Variants in LGR6 observed in about 807,000 individuals in gnomAD.
LGR6 encodes the protein leucine-rich repeat-containing G protein-coupled receptor 6.
Under a neutral mutation model 69.4 loss-of-function variants are expected in LGR6, and 45 were observed. The ratio of observed to expected loss-of-function variants is 0.65; its 90% CI spans 0.51 to 0.83. LGR6 has a LOEUF of 0.83. Among genes scored for constraint, LGR6 ranks in the 40% least tolerant of loss-of-function variants. LGR6 has a pLI of 0.00. For missense variants in LGR6, 1,108 were observed against 1,246.7 expected (o/e 0.89, Z 1.68); for synonymous variants, 538 against 555.0 (o/e 0.97, Z 0.43).
At chr1:202,238,411 C>G (rs914626984) in intron 4 of LGR6, among the ~76,000 whole-genome samples, 3 of 106,858 alleles carry the variant, frequency 2.8e-5, no homozygotes, top group Admixed American at 1.2e-4. Flanking sequence ...CCAGCCTGAT[C>G]CTTTTTTTTT....
intron 1 of LGR6, chr1:202,214,223 G>A: frequency 6.5e-7 from 1 of 1,542,078 alleles, no homozygotes; most frequent in Admixed American, 2.1e-5. Context: ...GGAGTGCACG[G>A]CGCGGTGCGC....
rs540367687 is a variant in LGR6, at chr1:202,291,900, C to T, written c.717-5608C>T. On this transcript the variant is annotated intron_variant, in intron 6 of 17. Transcript: ENST00000367278. ...ATTGTAATGCTATGCATGCAGAGGACGAAAATCCCAGAAAAGTTCCAAGAG... is the reference window on the plus strand; with the variant it reads ...ATTGTAATGCTATGCATGCAGAGGATGAAAATCCCAGAAAAGTTCCAAGAG... 8.5e-5 allele frequency among the ~76,000 whole-genome samples: 13 copies of T among 152,254 alleles called. 1 individual carries two copies. The highest frequency in any genetic ancestry group is 3.9e-4 in the East Asian group (2 of 5,192).
At chr1:202,245,554 T>C (rs1259754096) in intron 4 of LGR6, among the ~76,000 whole-genome samples, 1 of 152,182 alleles carries the variant, frequency 6.6e-6, no homozygotes, top group African/African-American at 2.4e-5. Context: ...GCTATGGTGC[T>C]AGGGCTTTCT....
intron 6 of LGR6, among the ~76,000 whole-genome samples, chr1:202,289,451 A>G (rs567016871): frequency 1.2e-4 from 18 of 152,152 alleles, no homozygotes; most frequent in Non-Finnish European, 4.4e-5. Context: ...GCAACAAGTA[A>G]TCTCAATCTC....
At chr1:202,198,672 T>G (rs1205954927) in intron 1 of LGR6, among the ~76,000 whole-genome samples, 7 of 101,380 alleles carry the variant, frequency 6.9e-5, no homozygotes, top group Non-Finnish European at 1.8e-4. Flanking sequence ...TTTTAGGTTT[T>G]TTTTTTTTTT....
At chr1:202,302,248 T>G (rs1425910895) in intron 9 of LGR6, among the ~76,000 whole-genome samples, 1 of 152,232 alleles carries the variant, frequency 6.6e-6, no homozygotes, top group East Asian at 1.9e-4. Context: ...ACTTTCACGT[T>G]CATTACGGCA....
intron 4 of LGR6, among the ~76,000 whole-genome samples, chr1:202,247,221 A>G (rs528569574): frequency 1.3e-5 from 2 of 152,254 alleles, no homozygotes; most frequent in Admixed American, 6.5e-5. Context: ...CGCCACTCAA[A>G]GTGAGCTTCA....
At chr1:202,276,012 G>T (rs1236812189) in intron 4 of LGR6, among the ~76,000 whole-genome samples, 1 of 152,122 alleles carries the variant, frequency 6.6e-6, no homozygotes, top group Non-Finnish European at 1.5e-5. Flanking sequence ...AAGAACTGTG[G>T]GTTGGTGGGA....
chr1:202,310,027 C>T (rs1304799575), intron 15 of LGR6, among the ~76,000 whole-genome samples, 170 bp from the exon 16 acceptor site: 2 of 152,160 alleles, frequency 1.3e-5, no homozygotes, highest in Non-Finnish European at 2.9e-5. Flanking sequence ...GGCTGCAAGG[C>T]CCTTACAAAG....
chr1:202,254,016 G>T lies in LGR6; in HGVS notation c.428+18023G>T, dbSNP rs1351359112. ...GAGACGGGGTTTCACCGTTTTAGCC[G>T]GGATGGTCTCGATCTCCTGACCTCG... On this transcript the variant is annotated intron_variant, in intron 4 of 17. Coordinates refer to ENST00000367278, the MANE Select transcript of LGR6 (RefSeq NM_001017403.2). Among the ~76,000 whole-genome samples the T allele has an allele frequency of 2.7e-5, 4 of 147,924 alleles. No homozygotes were observed. The East Asian group carries it at 6.0e-4, about 22-fold the overall frequency.
rs766607416 is a variant in LGR6, at chr1:202,287,090, G to A, written c.716+6238G>A. On this transcript the variant is annotated intron_variant, in intron 6 of 17. Transcript: ENST00000367278. ...CAGGTTCCGTAGTAGATGTAATGGA[G>A]AGGAAACAAAGTTCAGGTCTGGCCC... Among the ~76,000 whole-genome samples, 96 of 152,212 alleles carry A rather than the reference G, an allele frequency of 6.3e-4. 1 individual carries two copies. Among genetic ancestry groups the A allele is most frequent in the Admixed American group, 1.8e-3 (28 of 15,276 alleles).
chr1:202,238,158 C>T (rs920705613), intron 4 of LGR6, among the ~76,000 whole-genome samples: 1 of 149,076 alleles, frequency 6.7e-6, no homozygotes, highest in Non-Finnish European at 1.5e-5. Context: ...GTGCAGTGAC[C>T]TGATCGCAAC....
At position 202,228,785 on chromosome 1, in the gene LGR6, G is replaced by C. The variant is rs561120138; in HGVS notation, c.356+778G>C. Reference sequence around the variant, plus strand: ...GAAGGTAGATAGGAGAGGTTCCCAGGGAGGTCGCGTTGCCACAGGGTCTGG... The same window carrying C: ...GAAGGTAGATAGGAGAGGTTCCCAGCGAGGTCGCGTTGCCACAGGGTCTGG... On this transcript the variant is annotated intron_variant, in intron 3 of 17. Transcript: ENST00000367278. 4.6e-5 allele frequency among the ~76,000 whole-genome samples: 7 copies of C among 152,282 alleles called. No homozygotes were observed. The South Asian group carries it at 1.5e-3, about 32-fold the overall frequency.
chr1:202,195,081 C>A (rs1869108), intron 1 of LGR6, among the ~76,000 whole-genome samples: 1 of 152,182 alleles, frequency 6.6e-6, no homozygotes, highest in African/African-American at 2.4e-5. Flanking sequence ...CCCACCTGCA[C>A]CCCCAGCCCC....
chr1:202,303,474 C>G lies in LGR6; in HGVS notation c.998+127C>G, dbSNP rs2148271542. On this transcript the variant is annotated intron_variant, in intron 10 of 17. Transcript: ENST00000367278. ...CCTTTTATCCAGCCTGTCTCTACTA[C>G]TGGCTCCATCCCCTTCCTCCTGATG... 4.2e-6 allele frequency: 3 copies of G among 721,938 alleles called. No individual in the cohort carries two copies. The Admixed American group carries it at 6.3e-5, about 15-fold the overall frequency. The allele number at this position is 721,938 out of a possible 1,614,324, so 44.7% of individuals were successfully genotyped here.
In LGR6 at chr1:202,304,593, T is replaced by C; in HGVS notation, c.1033T>C (p.Ser345Pro). Reference sequence around the variant, plus strand: ...CCGCGCAGGCATCCGGCTGCTCCCATCGGGGATGTGCCAACAGCTGCCCAG... The same window carrying C: ...CCGCGCAGGCATCCGGCTGCTCCCACCGGGGATGTGCCAACAGCTGCCCAG... Reference protein sequence around the residue: ...LTRAGIRLLPSGMCQQLPRLR... With the variant: ...LTRAGIRLLPPGMCQQLPRLR... Residue 345 changes from serine to proline, a missense_variant, in exon 11 of 18, where the codon TCG (serine) becomes CCG (proline). Ser to Pro is a moderately conservative substitution (Grantham distance 74). Coordinates refer to ENST00000367278, the MANE Select transcript of LGR6 (RefSeq NM_001017403.2). The C allele has an allele frequency of 6.2e-7, 1 of 1,611,130 alleles. No homozygotes were observed. The highest frequency in any genetic ancestry group is 8.5e-7 in the Non-Finnish European group (1 of 1,177,806).
At chr1:202,295,194 G>A (rs1212480905) in intron 6 of LGR6, among the ~76,000 whole-genome samples, 2 of 151,922 alleles carry the variant, frequency 1.3e-5, no homozygotes, top group Non-Finnish European at 2.9e-5. Context: ...CCACTGTGGT[G>A]GCACACGCCT....
At chr1:202,208,403 G>C (rs1032376886) in intron 1 of LGR6, among the ~76,000 whole-genome samples, 1 of 135,362 alleles carries the variant, frequency 7.4e-6, no homozygotes, top group Non-Finnish European at 1.6e-5. Flanking sequence ...AGGAGAAGGA[G>C]GGGGGAGAGA....
At chr1:202,198,981 C>T (rs764857002) in intron 1 of LGR6, among the ~76,000 whole-genome samples, 50 of 152,192 alleles carry the variant, frequency 3.3e-4, no homozygotes, top group South Asian at 1.7e-3. Flanking sequence ...CTCCTCCTTC[C>T]GGAAACTTGG....
Sources: allele counts gnomAD v4.1 joint callset (sites outside exome capture counted in the v4.1 genomes callset), GRCh38; gene constraint gnomAD v4.1.1; transcripts MANE v1.5; gene names NCBI Gene and HGNC (gene_info 2026-07-23, HGNC 2026-07-21).